RNFT2: variants seen among roughly 807,000 people sequenced by gnomAD.
RNFT2 encodes the protein ring finger protein, transmembrane 2.
RNFT2 carries 36 observed loss-of-function variants against 53.0 expected under a neutral mutation model. The ratio of observed to expected loss-of-function variants is 0.68; its 90% CI spans 0.52 to 0.90. The LOEUF is 0.90. RNFT2 is among the 40% of genes least tolerant of loss of function. The pLI, the probability that RNFT2 is intolerant of heterozygous loss-of-function variation, is 0.00. For missense variants in RNFT2, 514 were observed against 585.6 expected (o/e 0.88, Z 1.26); for synonymous variants, 260 against 253.2 (o/e 1.03, Z -0.26).
At chr12:116,836,638 A>C (rs1412589871) in intron 10 of RNFT2, among the ~76,000 whole-genome samples, 2 of 152,144 alleles carry the variant, frequency 1.3e-5, no homozygotes, top group African/African-American at 2.4e-5. Context: ...AATGGACATA[A>C]TAGTGGCCAG....
chr12:116,799,502 C>T (rs1165880580), intron 7 of RNFT2, among the ~76,000 whole-genome samples: 1 of 152,138 alleles, frequency 6.6e-6, no homozygotes, highest in Non-Finnish European at 1.5e-5. Flanking sequence ...GCTGGGTGCC[C>T]ACCGCACTAT....
rs1349016071 is a variant in RNFT2, at chr12:116,851,772, G to A, written c.*2324G>A. On this transcript the variant is annotated 3_prime_UTR_variant, in exon 11 of 11. Coordinates refer to ENST00000257575, the MANE Select transcript of RNFT2 (RefSeq NM_001382266.1). ...AAAAAAAAGAAAGAAAGAAGGGAGG[G>A]AGGGAGGAAGGAAGGAAGGAAGGAA... is the stretch of plus-strand genomic sequence containing the variant. The A allele has an allele frequency of 1.2e-5, 9 of 775,908 alleles. No homozygotes were observed. Among genetic ancestry groups the A allele is most frequent in the Non-Finnish European group, 2.0e-5 (9 of 457,302 alleles). 48.1% of individuals were successfully genotyped at this position (775,908 alleles called of 1,614,324 possible).
chr12:116,801,912 C>T (rs1874816189), intron 7 of RNFT2, among the ~76,000 whole-genome samples: 1 of 152,078 alleles, frequency 6.6e-6, no homozygotes, highest in Non-Finnish European at 1.5e-5. Flanking sequence ...ACCTCCGCCT[C>T]CCAGGTTCAA....
intron 3 of RNFT2, among the ~76,000 whole-genome samples, chr12:116,744,393 C>T (rs1159144354): frequency 2.6e-5 from 4 of 152,130 alleles, no homozygotes; most frequent in Non-Finnish European, 5.9e-5. Context: ...GGGCAGAGAG[C>T]ACAGCAGGAA....
Position 116,773,620 on chromosome 12 carries a change from G to A in RNFT2, c.729-5575G>A, listed in dbSNP as rs141495653. On this transcript the variant is annotated intron_variant, in intron 6 of 10. Coordinates refer to ENST00000257575, the MANE Select transcript of RNFT2 (RefSeq NM_001382266.1). Reference sequence around the variant, plus strand: ...GATGTGGATGCTTTCCCTGAGGATGGCAGTGGTGAGCACATCTCAGAATAG... The same window carrying A: ...GATGTGGATGCTTTCCCTGAGGATGACAGTGGTGAGCACATCTCAGAATAG... 1.7e-3 allele frequency among the ~76,000 whole-genome samples: 262 copies of A among 152,306 alleles called. 3 individuals are homozygous for A. The highest frequency in any genetic ancestry group is 5.9e-3 in the African/African-American group (246 of 41,564).
intron 6 of RNFT2, among the ~76,000 whole-genome samples, chr12:116,774,643 C>T (rs1352847572): frequency 1.3e-5 from 2 of 152,076 alleles, no homozygotes; most frequent in African/African-American, 4.8e-5. Context: ...TGAAAATGAA[C>T]TTTAAGGACT....
intron 7 of RNFT2, among the ~76,000 whole-genome samples, chr12:116,814,080 C>G (rs558577166): frequency 6.6e-6 from 1 of 152,174 alleles, no homozygotes; most frequent in African/African-American, 2.4e-5. Flanking sequence ...CAGCCCTCCC[C>G]GTGTCATTCT....
intron 7 of RNFT2, among the ~76,000 whole-genome samples, chr12:116,814,077 C>T (rs1034690777): frequency 2.0e-5 from 3 of 152,192 alleles, no homozygotes; most frequent in African/African-American, 7.2e-5. Flanking sequence ...CCCCAGCCCT[C>T]CCCGTGTCAT....
intron 7 of RNFT2, among the ~76,000 whole-genome samples, chr12:116,811,601 C>G (rs1357262667): frequency 6.6e-6 from 1 of 152,322 alleles, no homozygotes; most frequent in African/African-American, 2.4e-5. Flanking sequence ...ATCTTAAACT[C>G]CTGACCTCAA....
At chr12:116,837,747 G>A (rs762765019) in intron 10 of RNFT2, among the ~76,000 whole-genome samples, 2 of 152,108 alleles carry the variant, frequency 1.3e-5, no homozygotes, top group African/African-American at 2.4e-5. Context: ...AATAGAGTCT[G>A]GAGTTGAGTT....
intron 5 of RNFT2, among the ~76,000 whole-genome samples, chr12:116,757,441 T>C (rs188901230): frequency 3.0e-4 from 45 of 152,286 alleles, no homozygotes; most frequent in African/African-American, 1.0e-3. Context: ...CTTTCAGTCT[T>C]TTTGATGTAA....
Position 116,852,528 on chromosome 12 carries a change from C to T in RNFT2, c.*3080C>T. ...TGAATAATCAAGTGGGAAGGGGAAGCAGAGGGAAATGGGGCCATGTGAATG... is the reference window on the plus strand; with the variant it reads ...TGAATAATCAAGTGGGAAGGGGAAGTAGAGGGAAATGGGGCCATGTGAATG... On this transcript the variant is annotated 3_prime_UTR_variant, in exon 11 of 11. Coordinates refer to ENST00000257575, the MANE Select transcript of RNFT2 (RefSeq NM_001382266.1). The T allele has an allele frequency of 6.4e-7, 1 of 1,562,566 alleles. No homozygotes were observed. Among genetic ancestry groups the T allele is most frequent in the Non-Finnish European group, 8.7e-7 (1 of 1,154,352 alleles).
At chr12:116,830,306 G>A (rs1192613556) in intron 7 of RNFT2, among the ~76,000 whole-genome samples, 1 of 151,444 alleles carries the variant, frequency 6.6e-6, no homozygotes, top group African/African-American at 2.4e-5. Flanking sequence ...TTTTGTTTTC[G>A]AGACAGGGTC....
At chr12:116,761,960 A>G (rs1156542236) in intron 5 of RNFT2, among the ~76,000 whole-genome samples, 1 of 151,780 alleles carries the variant, frequency 6.6e-6, no homozygotes, top group Non-Finnish European at 1.5e-5. Flanking sequence ...CCAACTACTC[A>G]GAAGGCTGAG....
intron 7 of RNFT2, among the ~76,000 whole-genome samples, chr12:116,793,679 G>A (rs1874355896): frequency 6.6e-6 from 1 of 152,008 alleles, no homozygotes; most frequent in African/African-American, 2.4e-5. Context: ...CCTCTGCTGG[G>A]AGCAGTTTTT....
chr12:116,841,623 C>T (rs139041103), intron 10 of RNFT2, among the ~76,000 whole-genome samples: 3 of 149,682 alleles, frequency 2.0e-5, no homozygotes, highest in Admixed American at 6.8e-5. Flanking sequence ...TGGCACACAC[C>T]TGTAGTCCCA....
At chr12:116,792,570 T>A (rs1033097212) in intron 7 of RNFT2, among the ~76,000 whole-genome samples, 1 of 152,120 alleles carries the variant, frequency 6.6e-6, no homozygotes, top group African/African-American at 2.4e-5. Context: ...TCCCTTTTTT[T>A]GATGATGATT....
chr12:116,753,848 G>C (rs932648569), intron 4 of RNFT2, 136 bp from the exon 5 acceptor site: 1 of 652,334 alleles, frequency 1.5e-6, no homozygotes, highest in Non-Finnish European at 2.7e-6. Flanking sequence ...CAAGAAGTGG[G>C]ATTTTTTTTA....
At chr12:116,805,595 C>G (rs779895591) in intron 7 of RNFT2, among the ~76,000 whole-genome samples, 5 of 152,174 alleles carry the variant, frequency 3.3e-5, no homozygotes, top group Non-Finnish European at 5.9e-5. Flanking sequence ...GTGCCTCAGC[C>G]TCCTGAGTAG....
Sources: gnomAD v4.1 joint callset for allele counts (sites outside exome capture counted in the v4.1 genomes callset) on GRCh38, gnomAD v4.1.1 for gene constraint, MANE v1.5 for transcripts, NCBI Gene and HGNC (gene_info 2026-07-23, HGNC 2026-07-21) for gene names.